ANKFN1: variants seen among roughly 807,000 people sequenced by gnomAD.
The protein encoded by ANKFN1 is ankyrin repeat and fibronectin type-III domain-containing protein 1.
A neutral mutation model predicts 108.7 loss-of-function variants in ANKFN1; 74 were observed. The observed-to-expected ratio is 0.68, with a 90% CI of 0.56 to 0.83. ANKFN1 has a LOEUF of 0.83. ANKFN1 is among the 40% of genes least tolerant of loss of function. The probability of loss-of-function intolerance (pLI) is 0.00; values close to 1 mark genes in which losing one functional copy is unlikely to be tolerated. For synonymous variants in ANKFN1, 547 were observed against 516.2 expected (o/e 1.06, Z -0.81); for missense variants, 1,505 against 1,382.3 (o/e 1.09, Z -1.41).
chr17:56,053,527 T>TAC, intron 4 of ANKFN1, among the ~76,000 whole-genome samples: 1 of 152,280 alleles, frequency 6.6e-6, no homozygotes, highest in Non-Finnish European at 1.5e-5. Flanking sequence ...TGTGTATATA[T>TAC]ACTACATTTT....
intron 18 of ANKFN1, among the ~76,000 whole-genome samples, chr17:56,488,137 T>C (rs2050913140): frequency 6.6e-6 from 1 of 152,184 alleles, no homozygotes; most frequent in South Asian, 2.1e-4. Flanking sequence ...CATGGAGGAC[T>C]GATTGCAAGA....
At chr17:56,454,753 T>C (rs1555657014) in intron 11 of ANKFN1, among the ~76,000 whole-genome samples, 1 of 152,184 alleles carries the variant, frequency 6.6e-6, no homozygotes, top group African/African-American at 2.4e-5. Context: ...GAGAACCCAA[T>C]AGGGAAATAT....
chr17:56,085,632 C>G (rs976230736), intron 4 of ANKFN1, among the ~76,000 whole-genome samples: 4 of 151,322 alleles, frequency 2.6e-5, no homozygotes, highest in Admixed American at 1.3e-4. Flanking sequence ...TCAGGCCCAC[C>G]AACTGGCAAC....
intron 1 of ANKFN1, chr17:56,174,152 T>A (rs965874833): frequency 2.0e-6 from 2 of 983,436 alleles, no homozygotes; most frequent in Non-Finnish European, 2.4e-6. Context: ...AGGGACTGCA[T>A]TCATTCTCTG....
At chr17:56,465,147 A>G (rs1321790403) in intron 14 of ANKFN1, among the ~76,000 whole-genome samples, 3 of 151,900 alleles carry the variant, frequency 2.0e-5, no homozygotes, top group African/African-American at 7.3e-5. Context: ...CACACTGCTT[A>G]TTAGTACCCC....
intron 6 of ANKFN1, among the ~76,000 whole-genome samples, chr17:56,354,272 C>A (rs1199387754): frequency 6.6e-6 from 1 of 152,086 alleles, no homozygotes; most frequent in Non-Finnish European, 1.5e-5. Context: ...TAAAAAGGAA[C>A]CCCCAAAGAA....
chr17:56,133,311 C>A (rs1048351738), intron 4 of ANKFN1, among the ~76,000 whole-genome samples: 8 of 152,174 alleles, frequency 5.3e-5, no homozygotes, highest in Admixed American at 4.6e-4. Context: ...TCCTAGCTTG[C>A]ATGTGCACTA....
At chr17:56,452,500 C>T (rs2049523557) in intron 11 of ANKFN1, among the ~76,000 whole-genome samples, 1 of 152,180 alleles carries the variant, frequency 6.6e-6, no homozygotes, top group Non-Finnish European at 1.5e-5. Flanking sequence ...AGTTCTCCTT[C>T]TGTGTTATTA....
intron 6 of ANKFN1, among the ~76,000 whole-genome samples, chr17:56,360,582 T>C (rs141715243): frequency 2.8e-4 from 43 of 152,330 alleles, no homozygotes; most frequent in African/African-American, 1.0e-3. Context: ...CAGCAAACAG[T>C]AGACACTCAA....
chr17:56,432,947 T>C (rs774897036), intron 8 of ANKFN1, among the ~76,000 whole-genome samples: 4 of 152,138 alleles, frequency 2.6e-5, no homozygotes, highest in Admixed American at 2.6e-4. Flanking sequence ...TATACAATGA[T>C]ATGATGGTAA....
intron 17 of ANKFN1, among the ~76,000 whole-genome samples, chr17:56,481,706 G>C (rs995563981): frequency 6.6e-6 from 1 of 152,128 alleles, no homozygotes; most frequent in Non-Finnish European, 1.5e-5. Context: ...AACAGCCAAC[G>C]CTAATGAAGA....
chr17:56,204,738 C>G (rs560311839), intron 1 of ANKFN1, among the ~76,000 whole-genome samples: 5 of 152,294 alleles, frequency 3.3e-5, no homozygotes, highest in African/African-American at 1.2e-4. Flanking sequence ...AGCTTTGCCC[C>G]TGTACCTCCT....
chr17:56,077,924 C>T (rs1161745479), intron 4 of ANKFN1, among the ~76,000 whole-genome samples: 1 of 152,138 alleles, frequency 6.6e-6, no homozygotes, highest in Non-Finnish European at 1.5e-5. Flanking sequence ...GTCTCATAAC[C>T]ACTCTTAAGA....
At chr17:56,447,635 C>T (rs1431362379) in intron 10 of ANKFN1, among the ~76,000 whole-genome samples, 4 of 152,050 alleles carry the variant, frequency 2.6e-5, no homozygotes. Flanking sequence ...CTCTGAGGCC[C>T]CTTTCTTCAT....
At chr17:56,473,498 A>G (rs1248078578) in intron 15 of ANKFN1, 1 of 151,936 alleles carries the variant, frequency 6.6e-6, no homozygotes, top group African/African-American at 2.4e-5. Flanking sequence ...CCCCATCTTT[A>G]CTAAAAATAC....
chr17:56,163,973 T>A (rs558023850), intron 1 of ANKFN1, among the ~76,000 whole-genome samples: 1 of 152,312 alleles, frequency 6.6e-6, no homozygotes, highest in Non-Finnish European at 1.5e-5. Context: ...TTTGTACACA[T>A]CATCATGGAA....
At chr17:56,297,108 G>T (rs1402366264) in intron 3 of ANKFN1, among the ~76,000 whole-genome samples, 1 of 152,182 alleles carries the variant, frequency 6.6e-6, no homozygotes, top group Non-Finnish European at 1.5e-5. Flanking sequence ...TGAACTTTTG[G>T]GGAAAGGTAA....
At chr17:56,432,827 G>A (rs2048803561) in intron 8 of ANKFN1, among the ~76,000 whole-genome samples, 1 of 152,042 alleles carries the variant, frequency 6.6e-6, no homozygotes, top group Non-Finnish European at 1.5e-5. Flanking sequence ...CTGATGTCAG[G>A]ATGTTACCTA....
intron 3 of ANKFN1, among the ~76,000 whole-genome samples, chr17:56,265,150 C>A (rs1051938914): frequency 6.6e-6 from 1 of 152,128 alleles, no homozygotes; most frequent in Admixed American, 6.6e-5. Flanking sequence ...TGAGAACAAT[C>A]TCAAGATTTG....
Sources: gnomAD v4.1 joint callset for allele counts (sites outside exome capture counted in the v4.1 genomes callset) on GRCh38, gnomAD v4.1.1 for gene constraint, MANE v1.5 for transcripts, NCBI Gene and HGNC (gene_info 2026-07-23, HGNC 2026-07-21) for gene names.